MMRN1: variants seen among roughly 807,000 people sequenced by gnomAD.
MMRN1 encodes multimerin 1.
A neutral mutation model predicts 100.7 loss-of-function variants in MMRN1; 94 were observed. That is an observed-to-expected ratio of 0.93 (90% CI 0.79 to 1.11). The LOEUF (loss-of-function observed/expected upper bound fraction) is 1.11. MMRN1 is among the 50% of genes least tolerant of loss of function. The probability of loss-of-function intolerance (pLI) is 0.00; values close to 1 mark genes in which losing one functional copy is unlikely to be tolerated. For synonymous variants in MMRN1, 575 were observed against 505.0 expected (o/e 1.14, Z -1.86); for missense variants, 1,606 against 1,439.1 (o/e 1.12, Z -1.88).
rs1303925611 is a variant in MMRN1, at chr4:89,895,086, A to G, written c.115A>G (p.Met39Val). 1.1e-5 allele frequency: 17 copies of G among 1,613,772 alleles called. No individual in the cohort carries two copies. Among genetic ancestry groups the G allele is most frequent in the Admixed American group, 3.3e-5 (2 of 59,968 alleles). Residue 39 changes from methionine (M) to valine (V), a missense_variant, in exon 1 of 8, where the codon ATG (methionine) becomes GTG (valine). Physicochemically the swap from Met to Val is conservative, Grantham distance 21. Coordinates refer to ENST00000264790, the MANE Select transcript of MMRN1 (RefSeq NM_007351.3). ...IPEDGNSQKT[M>V]PSASVPPNKI... ...TGAGGATGGGAACTCTCAGAAGACT[A>G]TGCCTTCTGCTTCAGTTCCTCCAAA...
chr4:89,895,494 G>T lies in MMRN1; in HGVS notation c.523G>T (p.Gly175Ter). The part of the protein sequence containing the change: ...IGGVGGTGGV[G>*]NRAPRETYLS... ...AGGCGTTGGAGGCACTGGAGGCGTG[G>T]GAAATCGAGCCCCACGGGAAACATA... Residue 175 changes from glycine (G) to a stop codon, truncating the protein, a stop_gained, in exon 1 of 8, where the codon GGA becomes TGA. Transcript: ENST00000264790. LOFTEE classifies it high-confidence loss of function. The T allele has an allele frequency of 6.2e-7, 1 of 1,613,798 alleles. No individual in the cohort carries two copies. Among genetic ancestry groups the T allele is most frequent in the Non-Finnish European group, 8.5e-7 (1 of 1,179,906 alleles).
upstream of MMRN1, among the ~76,000 whole-genome samples, chr4:89,894,218 G>A (rs1300917730): frequency 6.6e-6 from 1 of 152,078 alleles, no homozygotes; most frequent in Admixed American, 6.6e-5. Context: ...AGTTCCAGGA[G>A]CAAAATTTAA....
chr4:89,908,299 A>G (rs1721634424), intron 1 of MMRN1, among the ~76,000 whole-genome samples: 1 of 151,436 alleles, frequency 6.6e-6, no homozygotes, highest in Non-Finnish European at 1.5e-5. Context: ...CAGATTTATA[A>G]TTTTTGCCAT....
chr4:89,905,068 A>G (rs1362540874), intron 1 of MMRN1, among the ~76,000 whole-genome samples: 1 of 151,660 alleles, frequency 6.6e-6, no homozygotes, highest in Non-Finnish European at 1.5e-5. Context: ...TGAGATGAGC[A>G]GGTTGGATTT....
In MMRN1 at chr4:89,936,480, G is replaced by T. The variant is rs372641278; in HGVS notation, c.2800G>T (p.Ala934Ser). The T allele has an allele frequency of 4.3e-6, 7 of 1,613,038 alleles. 1 individual carries two copies. Among genetic ancestry groups the T allele is most frequent in the Admixed American group, 3.3e-5 (2 of 59,898 alleles). ...CGAAGTTTTAACAATGTGTCACAAT[G>T]CTTCTACAAGTGTGTCAGAACTGAA... ...LHEVLTMCHN[A>S]STSVSELNAT... Residue 934 changes from alanine to serine, a missense_variant, in exon 6 of 8, where the codon GCT (alanine) becomes TCT (serine). Ala to Ser is a moderately conservative substitution (Grantham distance 99). Transcript: ENST00000264790.
In MMRN1 at chr4:89,922,098, T is replaced by TATTG. The variant is rs369090427; in HGVS notation, c.851-1045_851-1042dup. ...TTATTTTATTTATTTTTATTTTAAT[T>TATTG]ATTGATTGATTGATTGATTGATTGA... is the stretch of plus-strand genomic sequence containing the variant. On this transcript the variant is annotated intron_variant, in intron 3 of 7. Transcript: ENST00000264790. Among the ~76,000 whole-genome samples, 593 of 152,046 alleles carry TATTG rather than the reference T, an allele frequency of 3.9e-3. 1 individual carries two copies. Among genetic ancestry groups the TATTG allele is most frequent in the African/African-American group, 0.011 (474 of 41,476 alleles).
chr4:89,914,283 T>C (rs1344112608), intron 3 of MMRN1, among the ~76,000 whole-genome samples: 1 of 151,472 alleles, frequency 6.6e-6, no homozygotes, highest in African/African-American at 2.4e-5. Context: ...TTTCTTTCTT[T>C]TATACCCTTC....
At chr4:89,909,126 T>C (rs909034432) in intron 1 of MMRN1, 150 bp from the exon 2 acceptor site, 11 of 703,320 alleles carry the variant, frequency 1.6e-5, no homozygotes, top group Non-Finnish European at 2.5e-5. Flanking sequence ...TTTTCTCTTA[T>C]ATTTAAATAT....
At chr4:89,942,869 A>C (rs116221083) in intron 6 of MMRN1, among the ~76,000 whole-genome samples, 1 of 152,328 alleles carries the variant, frequency 6.6e-6, no homozygotes, top group African/African-American at 2.4e-5. Flanking sequence ...TTTTACAAAA[A>C]AGTAAACAAT....
intron 6 of MMRN1, among the ~76,000 whole-genome samples, chr4:89,948,849 AT>A (rs1317729774): frequency 1.3e-5 from 2 of 152,334 alleles, no homozygotes; most frequent in East Asian, 3.9e-4. Flanking sequence ...TCCTGAGCAG[AT>A]AATCAGTAGG....
intron 6 of MMRN1, among the ~76,000 whole-genome samples, chr4:89,948,814 C>G (rs754319721): frequency 1.3e-5 from 2 of 152,102 alleles, no homozygotes; most frequent in Non-Finnish European, 2.9e-5. Flanking sequence ...GCAGTCGAAG[C>G]AGGTACAGAC....
chr4:89,910,936 G>A (rs576713168), intron 2 of MMRN1, among the ~76,000 whole-genome samples: 16 of 151,462 alleles, frequency 1.1e-4, no homozygotes, highest in Admixed American at 7.3e-4. Context: ...ATAGTTGTAC[G>A]TGGCAAACTC....
At chr4:89,946,985 C>T (rs150133605) in intron 6 of MMRN1, among the ~76,000 whole-genome samples, 65 of 151,942 alleles carry the variant, frequency 4.3e-4, no homozygotes, top group African/African-American at 1.5e-3. Context: ...GTGGAAAGTT[C>T]GCTTAAATGG....
In MMRN1 at chr4:89,921,563, TAGA is replaced by T. The variant is rs144017514; in HGVS notation, c.851-1598_851-1596del. ...CTATAATAACCTTATTGCTAGGTCT[TAGA>T]AGAAGATTTACACTTTTCCCCACGC... On this transcript the variant is annotated intron_variant, in intron 3 of 7. Transcript: ENST00000264790. Among the ~76,000 whole-genome samples the T allele has an allele frequency of 9.9e-3, 1,510 of 152,286 alleles. 19 individuals carry two copies. The highest frequency in any genetic ancestry group is 0.033 in the African/African-American group (1,388 of 41,562).
chr4:89,890,309 A>G (rs1048931010), upstream of MMRN1, among the ~76,000 whole-genome samples: 2 of 146,860 alleles, frequency 1.4e-5, no homozygotes, highest in East Asian at 2.0e-4. Context: ...TCTTCTTTCC[A>G]GGCTGACAAT....
chr4:89,883,191 G>A (rs2110567936), intron 1 of MMRN1, among the ~76,000 whole-genome samples: 1 of 151,942 alleles, frequency 6.6e-6, no homozygotes, highest in Admixed American at 6.6e-5. Flanking sequence ...TTATATTTGG[G>A]CTGTTACGAA....
chr4:89,882,935 GAAGA>G (rs985496186), intron 1 of MMRN1, among the ~76,000 whole-genome samples: 3 of 151,876 alleles, frequency 2.0e-5, no homozygotes, highest in African/African-American at 7.3e-5. Context: ...CTCCTCCCCA[GAAGA>G]AACTTCCTTC....
At chr4:89,934,760 AAAG>A in intron 5 of MMRN1, 47 bp from the exon 6 acceptor site, 1 of 1,084,702 alleles carries the variant, frequency 9.2e-7, no homozygotes, top group South Asian at 2.6e-5. Flanking sequence ...AGAGATGCTT[AAAG>A]TCTCATATAA....
chr4:89,912,999 A>G (rs1363529345), intron 3 of MMRN1, among the ~76,000 whole-genome samples: 1 of 151,260 alleles, frequency 6.6e-6, no homozygotes, highest in Non-Finnish European at 1.5e-5. Context: ...TTATATTCAG[A>G]CTACAGAATG....
Sources: allele counts gnomAD v4.1 joint callset (sites outside exome capture counted in the v4.1 genomes callset), GRCh38; gene constraint gnomAD v4.1.1; transcripts MANE v1.5; gene names NCBI Gene and HGNC (gene_info 2026-07-23, HGNC 2026-07-21).